The following MYBPHL variants were observed in gnomAD, a reference collection of about 807,000 sequenced individuals.
The protein encoded by MYBPHL is myosin binding protein H like.
A neutral mutation model predicts 39.5 loss-of-function variants in MYBPHL; 32 were observed. That is an observed-to-expected ratio of 0.81 (90% CI 0.61 to 1.09). The LOEUF (loss-of-function observed/expected upper bound fraction) is 1.09, where lower values mean the gene tolerates loss of function less well. MYBPHL is among the 50% of genes least tolerant of loss of function. The pLI is 0.00. For synonymous variants in MYBPHL, 196 were observed against 183.7 expected (o/e 1.07, Z -0.54); for missense variants, 456 against 460.2 (o/e 0.99, Z 0.08).
At chr1:109,294,778 C>T (rs1299956430) in intron 7 of MYBPHL, among the ~76,000 whole-genome samples, 3 of 152,196 alleles carry the variant, frequency 2.0e-5, no homozygotes, top group East Asian at 1.9e-4. Flanking sequence ...AGCGAGGACC[C>T]GGAGACCTGG....
At position 109,306,929 on chromosome 1, in the gene MYBPHL, G is replaced by C. The variant is rs1328185709; in HGVS notation, c.63C>G (p.Ser21Arg). The C allele has an allele frequency of 2.5e-6, 4 of 1,610,026 alleles. No individual in the cohort carries two copies. In the African/African-American group the frequency reaches 5.4e-5, roughly 22 times the overall value. Residue 21 changes from serine to arginine, a missense_variant, in exon 1 of 9, where the codon AGC becomes AGG. Transcript: ENST00000357155. ...AGSKLKVKEA[S>R]PADAEPPQAS... is the part of the protein sequence containing the mutation. The stretch of plus-strand genomic sequence containing the variant: ...CCTGGGGTGGTTCAGCATCCGCTGG[G>C]CTGGCTTCTTTCACCTTCAGCTTGG...
chr1:109,296,456 T>G lies in MYBPHL; in HGVS notation c.731-86A>C, dbSNP rs75195649. 4 of 1,314,178 alleles carry G rather than the reference T, an allele frequency of 3.0e-6. No homozygotes were observed. The Admixed American group carries it at 8.8e-5, about 29-fold the overall frequency. 81.4% of individuals were successfully genotyped at this position (1,314,178 alleles called of 1,614,324 possible). ...TATCCTTAGTATTTTTTTTTTTTTT[T>G]GAGGTGGAGTCTCACTCTATTGCCC... On this transcript the variant is annotated intron_variant, in intron 5 of 8. Transcript: ENST00000357155.
intron 1 of MYBPHL, among the ~76,000 whole-genome samples, chr1:109,306,394 C>T (rs1016488886): frequency 6.6e-6 from 1 of 152,106 alleles, no homozygotes; most frequent in African/African-American, 2.4e-5. Flanking sequence ...TACTGCCCAG[C>T]AGGAGGCCGA....
chr1:109,299,446 A>G (rs781484704), intron 1 of MYBPHL, among the ~76,000 whole-genome samples: 2 of 152,262 alleles, frequency 1.3e-5, no homozygotes, highest in African/African-American at 4.8e-5. Flanking sequence ...TTAAATACAT[A>G]CATTACATAA....
intron 1 of MYBPHL, among the ~76,000 whole-genome samples, chr1:109,302,699 C>T (rs188467329): frequency 1.9e-4 from 29 of 152,302 alleles, no homozygotes; most frequent in Admixed American, 1.6e-3. Context: ...GCCAATGGTC[C>T]CTGTGGCCAT....
At position 109,297,197 on chromosome 1, in the gene MYBPHL, G is replaced by A. The variant is rs1557763366; in HGVS notation, c.431-8C>T. On this transcript the variant is annotated splice_region_variant and splice_polypyrimidine_tract_variant and intron_variant, in intron 3 of 8. Transcript: ENST00000357155. Reference sequence around the variant, plus strand: ...GAGGAGGGCCTGGCCTCTCTGAAAGGGCAAAGCCATGGCAGTGGGCGTGGA... The same window carrying A: ...GAGGAGGGCCTGGCCTCTCTGAAAGAGCAAAGCCATGGCAGTGGGCGTGGA... 1 of 1,614,014 alleles carries A rather than the reference G, an allele frequency of 6.2e-7. No homozygotes were observed. Among genetic ancestry groups the A allele is most frequent in the Non-Finnish European group, 8.5e-7 (1 of 1,180,024 alleles).
At chr1:109,303,913 T>C (rs927133793) in intron 1 of MYBPHL, among the ~76,000 whole-genome samples, 1 of 152,160 alleles carries the variant, frequency 6.6e-6, no homozygotes, top group Non-Finnish European at 1.5e-5. Flanking sequence ...TCAGGGTCCT[T>C]GCAGTTGTTC....
Position 109,295,209 on chromosome 1 carries a change from T to G in MYBPHL, c.956A>C (p.Glu319Ala). ...ATCAAAGGGACCCGGCTTGCGGATC[T>G]CTAGGGAGCAGATTCCCAGGTGAGT... ...ALTHLGICSLEIRKPGPFDGG... is the reference protein window; with the variant it reads ...ALTHLGICSLAIRKPGPFDGG... The change falls in exon 7 of 9, where the codon GAG becomes GCG. Residue 319 changes from glutamate (E) to alanine (A), a missense_variant. Glu to Ala is a moderately radical substitution (Grantham distance 107). Transcript: ENST00000357155. 1 of 1,614,152 alleles carries G rather than the reference T, an allele frequency of 6.2e-7. No homozygotes were observed. The highest frequency in any genetic ancestry group is 8.5e-7 in the Non-Finnish European group (1 of 1,180,018).
Position 109,306,999 on chromosome 1 carries a change from C to T in MYBPHL, c.-8G>A, listed in dbSNP as rs1658494863. On this transcript the variant is annotated 5_prime_UTR_variant, in exon 1 of 9. Coordinates refer to ENST00000357155, the MANE Select transcript of MYBPHL (RefSeq NM_001010985.3). ...AGCTGTGGCTGCCTCCATGCTGGGC[C>T]TTCCCAGAGGCTGAGCTCCAGCTCT... 1.2e-6 allele frequency: 2 copies of T among 1,608,066 alleles called. No individual in the cohort carries two copies. Among genetic ancestry groups the T allele is most frequent in the African/African-American group, 1.3e-5 (1 of 74,488 alleles).
intron 4 of MYBPHL, 43 bp from the exon 5 acceptor site, chr1:109,296,985 G>A (rs369795769): frequency 2.5e-6 from 4 of 1,613,900 alleles, no homozygotes; most frequent in East Asian, 4.5e-5. Context: ...CACCCCATGT[G>A]GAGCTACCAG....
intron 8 of MYBPHL, 79 bp downstream of exon 8, chr1:109,294,127 G>A: frequency 1.1e-6 from 1 of 941,346 alleles, no homozygotes; most frequent in South Asian, 1.3e-5. Flanking sequence ...GCTCAGGAAT[G>A]CACCTCTGTC....
chr1:109,299,101 C>T (rs1000107586), intron 1 of MYBPHL, among the ~76,000 whole-genome samples: 2 of 152,248 alleles, frequency 1.3e-5, no homozygotes, highest in Non-Finnish European at 2.9e-5. Context: ...GAAGCACAAA[C>T]ATTCCACCTG....
chr1:109,297,185 C>T lies in MYBPHL; in HGVS notation c.435G>A (p.Arg145=), dbSNP rs548562368. 34 of 1,614,088 alleles carry T rather than the reference C, an allele frequency of 2.1e-5. No individual in the cohort carries two copies. In the South Asian group the frequency reaches 3.1e-4, roughly 15 times the overall value. ...GCTTAATACTCTGAGGAGGGCCTGGCCTCTCTGAAAGGGCAAAGCCATGGC... is the reference window on the plus strand; with the variant it reads ...GCTTAATACTCTGAGGAGGGCCTGGTCTCTCTGAAAGGGCAAAGCCATGGC... ...TATIDILVIE[R]PGPPQSIKLV... Residue 145 remains arginine (R), a synonymous_variant, in exon 4 of 9, where the codon AGG becomes AGA. Transcript: ENST00000357155.
intron 2 of MYBPHL, 127 bp downstream of exon 2, chr1:109,298,042 G>A (rs776826822): frequency 4.2e-5 from 33 of 789,978 alleles, no homozygotes; most frequent in Admixed American, 1.8e-4. Flanking sequence ...ACTTCTGGTG[G>A]TGTGACCCCT....
intron 1 of MYBPHL, among the ~76,000 whole-genome samples, chr1:109,299,075 C>T (rs1446967776): frequency 6.6e-6 from 1 of 152,218 alleles, no homozygotes; most frequent in African/African-American, 2.4e-5. Flanking sequence ...GGATGCCTCA[C>T]ACTGTCTCAG....
chr1:109,305,897 T>G (rs1658449124), intron 1 of MYBPHL, among the ~76,000 whole-genome samples: 1 of 152,236 alleles, frequency 6.6e-6, no homozygotes, highest in African/African-American at 2.4e-5. Flanking sequence ...CTGGATCATC[T>G]CAGCAATCCT....
chr1:109,297,412 C>T lies in MYBPHL; in HGVS notation c.430+10G>A, dbSNP rs745933150. 3 of 1,607,718 alleles carry T rather than the reference C, an allele frequency of 1.9e-6. No homozygotes were observed. Among genetic ancestry groups the T allele is most frequent in the Non-Finnish European group, 2.5e-6 (3 of 1,176,700 alleles). On this transcript the variant is annotated intron_variant, in intron 3 of 8. Transcript: ENST00000357155. Reference sequence around the variant, plus strand: ...GAGGACCCCCCCATCTCCCACTTCCCCCACCGTACCAATCACCAGGATGTC... The same window carrying T: ...GAGGACCCCCCCATCTCCCACTTCCTCCACCGTACCAATCACCAGGATGTC...
intron 6 of MYBPHL, among the ~76,000 whole-genome samples, 176 bp from the exon 7 acceptor site, chr1:109,295,473 G>A (rs1658028632): frequency 6.6e-6 from 1 of 152,188 alleles, no homozygotes; most frequent in East Asian, 1.9e-4. Flanking sequence ...AGTCCCCCAA[G>A]CTCCTTCTCT....
chr1:109,306,937 C>G lies in MYBPHL; in HGVS notation c.55G>C (p.Glu19Gln). ...GGTTCAGCATCCGCTGGGCTGGCTT[C>G]TTTCACCTTCAGCTTGGATCCTGCG... ...VAAGSKLKVK[E>Q]ASPADAEPPQ... Residue 19 changes from glutamate to glutamine, a missense_variant, in exon 1 of 9, where the codon GAA becomes CAA. Physicochemically the swap from Glu to Gln is conservative, Grantham distance 29. Coordinates refer to ENST00000357155, the MANE Select transcript of MYBPHL (RefSeq NM_001010985.3). 6.2e-7 allele frequency: 1 copy of G among 1,610,332 alleles called. No individual in the cohort carries two copies. The highest frequency in any genetic ancestry group is 8.5e-7 in the Non-Finnish European group (1 of 1,178,348).
Sources: gnomAD v4.1 joint callset for allele counts (sites outside exome capture counted in the v4.1 genomes callset) on GRCh38, gnomAD v4.1.1 for gene constraint, MANE v1.5 for transcripts, NCBI Gene and HGNC (gene_info 2026-07-23, HGNC 2026-07-21) for gene names.